Variants in KIF24 observed in about 807,000 individuals in gnomAD.
The protein encoded by KIF24 is kinesin-like protein KIF24.
KIF24 carries 81 observed loss-of-function variants against 118.9 expected under a neutral mutation model. The ratio of observed to expected loss-of-function variants is 0.68; its 90% CI spans 0.57 to 0.82. The LOEUF (loss-of-function observed/expected upper bound fraction) is 0.82. KIF24 is among the 40% of genes least tolerant of loss of function. KIF24 has a pLI of 0.00. For synonymous variants in KIF24, 599 were observed against 610.0 expected (o/e 0.98, Z 0.27); for missense variants, 1,560 against 1,661.6 (o/e 0.94, Z 1.06).
In KIF24 at chr9:34,255,750, G is replaced by A. The variant is rs1400342927; in HGVS notation, c.3857C>T (p.Thr1286Ile). ...TCCAACTTACTGCGCTTGCTCCAGG[G>A]TGGGCTGACGGAGTGTCCCTGCAGT... ...PKTAGTLRQP[T>I]LEQAQQVVIR... is the part of the protein sequence containing the mutation. Residue 1286 changes from threonine (T) to isoleucine (I), a missense_variant, in exon 11 of 13, where the codon ACC (threonine) becomes ATC (isoleucine). Thr to Ile is a moderately conservative substitution (Grantham distance 89, BLOSUM62 -1). Transcript: ENST00000402558. 6.2e-7 allele frequency: 1 copy of A among 1,612,166 alleles called. No homozygotes were observed. The highest frequency in any genetic ancestry group is 1.3e-5 in the African/African-American group (1 of 74,934).
chr9:34,269,442 C>T (rs1398386176), intron 7 of KIF24, 80 bp from the exon 8 acceptor site: 7 of 663,368 alleles, frequency 1.1e-5, no homozygotes, highest in African/African-American at 5.8e-5. Flanking sequence ...TTTTTTGAGA[C>T]GGAGTCTCAC....
intron 3 of KIF24, among the ~76,000 whole-genome samples, chr9:34,298,955 T>C (rs1252096487): frequency 6.6e-6 from 1 of 152,028 alleles, no homozygotes; most frequent in Non-Finnish European, 1.5e-5. Flanking sequence ...CCCATTACAT[T>C]GGGTCTGAAA....
chr9:34,317,771 C>T (rs1046103577), intron 1 of KIF24, among the ~76,000 whole-genome samples: 1 of 152,110 alleles, frequency 6.6e-6, no homozygotes, highest in Admixed American at 6.6e-5. Context: ...TAAATAACGG[C>T]CCCAAAGCAA....
intron 8 of KIF24, among the ~76,000 whole-genome samples, 184 bp from the exon 9 acceptor site, chr9:34,263,356 C>T (rs1468879803): frequency 5.3e-5 from 8 of 152,190 alleles, no homozygotes; most frequent in East Asian, 1.9e-4. Flanking sequence ...TTGGGAAACA[C>T]CATCCTGTGC....
At position 34,306,445 on chromosome 9, in the gene KIF24, A is replaced by G. The variant is rs758963783; in HGVS notation, c.624-4T>C. 3.8e-6 allele frequency: 6 copies of G among 1,564,028 alleles called. No homozygotes were observed. In the East Asian group the frequency reaches 1.1e-4, roughly 29 times the overall value. ...CTGTTTCTCTGAAGTGTTCTGTCTAATATGTTTATAAACAGGCTTTTAATT... is the reference window on the plus strand; with the variant it reads ...CTGTTTCTCTGAAGTGTTCTGTCTAGTATGTTTATAAACAGGCTTTTAATT... On this transcript the variant is annotated splice_polypyrimidine_tract_variant and splice_region_variant and intron_variant, in intron 2 of 12. Transcript: ENST00000402558.
At chr9:34,327,285 G>T (rs1401717774) in intron 1 of KIF24, among the ~76,000 whole-genome samples, 1 of 151,954 alleles carries the variant, frequency 6.6e-6, no homozygotes, top group Non-Finnish European at 1.5e-5. Context: ...TAATATATCA[G>T]GCATCATAGA....
At chr9:34,280,059 C>T (rs1032703011) in intron 6 of KIF24, among the ~76,000 whole-genome samples, 11 of 151,318 alleles carry the variant, frequency 7.3e-5, no homozygotes, top group African/African-American at 2.0e-4. Context: ...CCGAGGCAGG[C>T]GGATCACGAG....
intron 7 of KIF24, among the ~76,000 whole-genome samples, chr9:34,270,444 A>T (rs2131703348): frequency 6.7e-6 from 1 of 148,304 alleles, no homozygotes; most frequent in Admixed American, 6.9e-5. Context: ...TGAACCCGGG[A>T]GGCGGAGCTT....
rs569647092 is a variant in KIF24 at position 34,312,634 on chromosome 9, A to G, written c.-25-1263T>C. 2.5e-4 allele frequency among the ~76,000 whole-genome samples: 38 copies of G among 152,330 alleles called. No homozygotes were observed. The South Asian group carries it at 7.5e-3, about 30-fold the overall frequency. On this transcript the variant is annotated intron_variant, in intron 1 of 12. Coordinates refer to ENST00000402558, the MANE Select transcript of KIF24 (RefSeq NM_194313.4). Reference sequence around the variant, plus strand: ...AATAATTAGCTTTGGGGGAAATACTACTTAGGCTAAAAGGCTAAATGGGCT... The same window carrying G: ...AATAATTAGCTTTGGGGGAAATACTGCTTAGGCTAAAAGGCTAAATGGGCT...
At chr9:34,289,936 C>A (rs933340271) in intron 5 of KIF24, among the ~76,000 whole-genome samples, 6 of 152,122 alleles carry the variant, frequency 3.9e-5, no homozygotes, top group Non-Finnish European at 7.4e-5. Flanking sequence ...AAGGGAAAGT[C>A]TTTTGATAGA....
In KIF24 at chr9:34,271,785, A is replaced by G. The variant is rs759807204; in HGVS notation, c.1337+24T>C. 17 of 1,611,480 alleles carry G rather than the reference A, an allele frequency of 1.1e-5. No homozygotes were observed. The South Asian group carries it at 1.8e-4, about 17-fold the overall frequency. On this transcript the variant is annotated intron_variant, in intron 7 of 12. Coordinates refer to ENST00000402558, the MANE Select transcript of KIF24 (RefSeq NM_194313.4). ...ACATTAAAGGAAAGGCAGACAATGTAACTCCCTGATATTTCCAGCTCACCT... is the reference window on the plus strand; with the variant it reads ...ACATTAAAGGAAAGGCAGACAATGTGACTCCCTGATATTTCCAGCTCACCT...
chr9:34,311,104 G>T lies in KIF24; in HGVS notation c.243C>A (p.Ser81Arg). 1 of 1,613,678 alleles carries T rather than the reference G, an allele frequency of 6.2e-7. No homozygotes were observed. Among genetic ancestry groups the T allele is most frequent in the Non-Finnish European group, 8.5e-7 (1 of 1,179,650 alleles). The change falls in exon 2 of 13, where the codon AGC becomes AGA. Residue 81 changes from serine (S) to arginine (R), a missense_variant. Ser to Arg is a moderately radical substitution (Grantham distance 110). Around this residue, in one of 3 missense-constraint regions of KIF24, gnomAD observed 964 missense variants for 988.0 expected, o/e 0.98. Coordinates refer to ENST00000402558, the MANE Select transcript of KIF24 (RefSeq NM_194313.4). ...VSIPERHLQTSSLRIKSQELR... is the reference protein window; with the variant it reads ...VSIPERHLQTRSLRIKSQELR... Reference sequence around the variant, plus strand: ...ATTCCTGAGATTTGATGCGCAGGCTGCTTGTCTGAAGATGACGCTCTGGGA... The same window carrying T: ...ATTCCTGAGATTTGATGCGCAGGCTTCTTGTCTGAAGATGACGCTCTGGGA...
rs768316353 is a variant in KIF24, at chr9:34,254,459, T to C, written c.4028A>G (p.Gln1343Arg). 1.2e-6 allele frequency: 2 copies of C among 1,613,956 alleles called. No homozygotes were observed. Among genetic ancestry groups the C allele is most frequent in the Non-Finnish European group, 8.5e-7 (1 of 1,179,872 alleles). The change falls in exon 13 of 13, where the codon CAG becomes CGG. Residue 1343 changes from glutamine to arginine, a missense_variant. By Grantham distance (43) the Gln-to-Arg change is conservative. Coordinates refer to ENST00000402558, the MANE Select transcript of KIF24 (RefSeq NM_194313.4). ...EIMVLKSKCIQSLRSQLQLYL... is the reference protein window; with the variant it reads ...EIMVLKSKCIRSLRSQLQLYL... The stretch of plus-strand genomic sequence containing the variant: ...GAGCTGCAGCTGGCTCCTCAGACTC[T>C]GGATACACTTGGATTTCAGAACCAT...
intron 6 of KIF24, among the ~76,000 whole-genome samples, chr9:34,279,389 G>A (rs1188049529): frequency 6.6e-6 from 1 of 152,184 alleles, no homozygotes; most frequent in Non-Finnish European, 1.5e-5. Context: ...TCCTAGGAAT[G>A]AATACCTCTG....
At chr9:34,255,475 C>T (rs80112237) in intron 11 of KIF24, among the ~76,000 whole-genome samples, 2,402 of 152,222 alleles carry the variant, frequency 0.016, 75 homozygotes, top group African/African-American at 0.055. Context: ...GCCCATTTCC[C>T]ACAGCTTCCC....
intron 10 of KIF24, 29 bp from the exon 11 acceptor site, chr9:34,258,010 G>C: frequency 6.8e-7 from 1 of 1,471,636 alleles, no homozygotes; most frequent in Non-Finnish European, 9.2e-7. Flanking sequence ...TGTTAAATGT[G>C]TATTTTCACA....
intron 1 of KIF24, among the ~76,000 whole-genome samples, chr9:34,317,313 G>C (rs560441355): frequency 8.8e-4 from 134 of 151,762 alleles, no homozygotes; most frequent in African/African-American, 3.0e-3. Context: ...TCACTTGACC[G>C]TGGGAGGCGG....
chr9:34,263,167 C>T lies in KIF24; in HGVS notation c.1449G>A (p.Lys483=). Residue 483 remains lysine (K), a synonymous_variant, in exon 9 of 13, where the codon AAG becomes AAA. Transcript: ENST00000402558. ...CCTGATCCAGTGCTCGGATACATTC[C>T]TTCAGCTGCAAAGTGGGAGAACAAG... ...AEINQSLLAL[K]ECIRALDQEH... 6.2e-7 allele frequency: 1 copy of T among 1,612,740 alleles called. No homozygotes were observed. The highest frequency in any genetic ancestry group is 8.5e-7 in the Non-Finnish European group (1 of 1,179,238).
At chr9:34,313,681 TATAAAAACTTCCC>T (rs1837240915) in intron 1 of KIF24, among the ~76,000 whole-genome samples, 1 of 151,506 alleles carries the variant, frequency 6.6e-6, no homozygotes, top group African/African-American at 2.4e-5. Context: ...AAGTGAAAGG[TATAAAAACTTCCC>T]ATATATCCCC....
Sources: gnomAD v4.1 joint callset for allele counts (sites outside exome capture counted in the v4.1 genomes callset) on GRCh38, gnomAD v4.1.1 for gene constraint, gnomAD v4.1.1 regional missense constraint, MANE v1.5 for transcripts, NCBI Gene and HGNC (gene_info 2026-07-23, HGNC 2026-07-21) for gene names.